Variants in ABLIM1 observed in about 807,000 individuals in gnomAD.
ABLIM1 encodes the protein actin binding LIM protein 1.
Under a neutral mutation model 107.0 loss-of-function variants are expected in ABLIM1, and 40 were observed. That is an observed-to-expected ratio of 0.37 (90% CI 0.29 to 0.49). The LOEUF is 0.49. ABLIM1 is among the 20% of genes least tolerant of loss of function. The pLI is 0.97. For synonymous variants in ABLIM1, 357 were observed against 357.3 expected (o/e 1.00, Z 0.01); for missense variants, 857 against 1,008.5 (o/e 0.85, Z 2.04).
chr10:114,609,733 C>A (rs558840145), intron 1 of ABLIM1, among the ~76,000 whole-genome samples: 1 of 152,306 alleles, frequency 6.6e-6, no homozygotes, highest in East Asian at 1.9e-4. Flanking sequence ...GAACTTCTGA[C>A]ATTTGCAAGA....
chr10:114,656,360 T>A (rs1467928987), intron 1 of ABLIM1, among the ~76,000 whole-genome samples: 2 of 150,182 alleles, frequency 1.3e-5, no homozygotes, highest in Non-Finnish European at 2.9e-5. Flanking sequence ...CTGGTGGGAA[T>A]GTAAAATGGA....
intron 1 of ABLIM1, among the ~76,000 whole-genome samples, chr10:114,624,033 A>T (rs1349039956): frequency 6.6e-6 from 1 of 152,192 alleles, no homozygotes; most frequent in African/African-American, 2.4e-5. Flanking sequence ...TTTGCCCTTG[A>T]ATACACAGCT....
chr10:114,788,442 T>C, the ABLIM1 span, among the ~76,000 whole-genome samples: 2 of 147,126 alleles, frequency 1.4e-5, no homozygotes, highest in African/African-American at 2.5e-5. Context: ...AGAAATCTAG[T>C]AGGGACTGGG....
chr10:114,580,803 A>C (rs2073274146), intron 2 of ABLIM1, among the ~76,000 whole-genome samples: 1 of 152,202 alleles, frequency 6.6e-6, no homozygotes, highest in Admixed American at 6.5e-5. Flanking sequence ...CAAACATCTC[A>C]ATTAGTAAAG....
Position 114,439,783 on chromosome 10 carries a change from T to C in ABLIM1, c.2067+299A>G, listed in dbSNP as rs189267668. On this transcript the variant is annotated intron_variant, in intron 20 of 22. Transcript: ENST00000533213. ...ATTATAATTAAAAGAAGAAAAACTG[T>C]ATATGAGCAGACCCTTGATGCTGGT... 1.7e-3 allele frequency: 807 copies of C among 472,524 alleles called. 1 individual carries two copies. The highest frequency in any genetic ancestry group is 4.7e-3 in the South Asian group (157 of 33,722). The allele number at this position is 472,524 out of a possible 1,614,324, so 29.3% of individuals were successfully genotyped here.
chr10:114,787,874 T>C, the ABLIM1 span, among the ~76,000 whole-genome samples: 1 of 147,464 alleles, frequency 6.8e-6, no homozygotes, highest in East Asian at 2.0e-4. Flanking sequence ...AATGGCAGTT[T>C]TGTGGAATAG....
the ABLIM1 span, among the ~76,000 whole-genome samples, chr10:114,782,188 A>G: frequency 6.6e-6 from 1 of 152,154 alleles, no homozygotes; most frequent in African/African-American, 2.4e-5. Context: ...TAGTAGCAAA[A>G]AAAATTCTGA....
intron 2 of ABLIM1, among the ~76,000 whole-genome samples, chr10:114,578,780 CTTTTCTTTTT>C (rs2072968536): frequency 1.1e-5 from 1 of 87,558 alleles, no homozygotes; most frequent in Admixed American, 1.2e-4. Flanking sequence ...TTCTTTCTTT[CTTTTCTTTTT>C]TTTTTTTTTT....
intron 8 of ABLIM1, among the ~76,000 whole-genome samples, chr10:114,481,931 A>G (rs1157759755): frequency 6.6e-6 from 1 of 152,252 alleles, no homozygotes; most frequent in African/African-American, 2.4e-5. Flanking sequence ...AAATATACAC[A>G]TGGTATTTGT....
rs180785618 is a variant in ABLIM1, at chr10:114,511,375, T to A, written c.895-19497A>T. On this transcript the variant is annotated intron_variant, in intron 6 of 22. Coordinates refer to ENST00000533213, the MANE Select transcript of ABLIM1 (RefSeq NM_002313.7). ...TACCCTTCTCACCTCTTTAAAAAAATTTTTTTTTGAGACAGAGTCTTGCTC... is the reference window on the plus strand; with the variant it reads ...TACCCTTCTCACCTCTTTAAAAAAAATTTTTTTTGAGACAGAGTCTTGCTC... 2.3e-3 allele frequency among the ~76,000 whole-genome samples: 349 copies of A among 151,720 alleles called. 5 individuals are homozygous for A. The highest frequency in any genetic ancestry group is 0.02 in the East Asian group (102 of 5,166).
chr10:114,786,019 G>A, the ABLIM1 span, among the ~76,000 whole-genome samples: 8 of 152,042 alleles, frequency 5.3e-5, no homozygotes, highest in South Asian at 2.1e-4. Flanking sequence ...ATGAGCCACC[G>A]CACCTGGCCA....
intron 1 of ABLIM1, among the ~76,000 whole-genome samples, chr10:114,647,345 CAAGTG>C (rs1172232709): frequency 2.1e-5 from 3 of 145,584 alleles, no homozygotes; most frequent in African/African-American, 8.4e-5. Flanking sequence ...CACTGGCTAC[CAAGTG>C]AAGATAGAGT....
At chr10:114,633,233 GA>G (rs2078292461) in intron 1 of ABLIM1, among the ~76,000 whole-genome samples, 1 of 152,180 alleles carries the variant, frequency 6.6e-6, no homozygotes, top group African/African-American at 2.4e-5. Flanking sequence ...GAACCGAAAG[GA>G]ATGAAGTCAA....
intron 1 of ABLIM1, among the ~76,000 whole-genome samples, chr10:114,666,037 C>T (rs1001036897): frequency 2.0e-5 from 3 of 152,192 alleles, no homozygotes; most frequent in African/African-American, 7.2e-5. Flanking sequence ...CTGCTGTCTT[C>T]CCATAGCGTG....
At chr10:114,772,959 A>T (rs2083041565), upstream of ABLIM1, among the ~76,000 whole-genome samples, 1 of 152,184 alleles carries the variant, frequency 6.6e-6, no homozygotes, top group African/African-American at 2.4e-5. Context: ...CATTGGATAG[A>T]TAAAACAGAC....
intron 4 of ABLIM1, among the ~76,000 whole-genome samples, chr10:114,560,345 T>C (rs1406450291): frequency 1.3e-5 from 2 of 152,204 alleles, no homozygotes; most frequent in Non-Finnish European, 2.9e-5. Context: ...ATGCACCACA[T>C]AATGATGTTT....
intron 1 of ABLIM1, among the ~76,000 whole-genome samples, chr10:114,706,299 C>T (rs572154078): frequency 2.0e-5 from 3 of 152,154 alleles, no homozygotes; most frequent in South Asian, 2.1e-4. Context: ...TGTTTCACGA[C>T]GTTCATTTTA....
At chr10:114,657,641 A>T (rs1442279306) in intron 1 of ABLIM1, among the ~76,000 whole-genome samples, 2 of 152,200 alleles carry the variant, frequency 1.3e-5, no homozygotes, top group African/African-American at 4.8e-5. Flanking sequence ...ATATGAAATA[A>T]TAACATCTAC....
At chr10:114,672,747 T>C (rs946459040) in intron 1 of ABLIM1, among the ~76,000 whole-genome samples, 1 of 152,210 alleles carries the variant, frequency 6.6e-6, no homozygotes, top group African/African-American at 2.4e-5. Flanking sequence ...CAGAAGCTTG[T>C]TTTAGCTTTT....
Sources: allele counts gnomAD v4.1 joint callset (sites outside exome capture counted in the v4.1 genomes callset), GRCh38; gene constraint gnomAD v4.1.1; transcripts MANE v1.5; gene names NCBI Gene and HGNC (gene_info 2026-07-23, HGNC 2026-07-21).